Variants in SLC24A2 observed in about 807,000 individuals in gnomAD.
SLC24A2 encodes the protein sodium/potassium/calcium exchanger 2.
In SLC24A2, 36 loss-of-function variants were observed where a neutral mutation model predicts 62.0. The ratio of observed to expected loss-of-function variants is 0.58; its 90% confidence interval spans 0.44 to 0.77. The LOEUF (loss-of-function observed/expected upper bound fraction) is 0.77, where lower values mean the gene tolerates loss of function less well. SLC24A2 is among the 30% of genes least tolerant of loss of function. The probability of loss-of-function intolerance (pLI) is 0.00; values close to 1 mark genes in which losing one functional copy is unlikely to be tolerated. For missense variants in SLC24A2, 846 were observed against 817.9 expected, an observed-to-expected ratio of 1.03 and a Z score of -0.42; for synonymous variants, 358 against 294.0, an observed-to-expected ratio of 1.22 and a Z score of -2.23.
chr9:19,543,623 G>T (rs542860629), intron 8 of SLC24A2, among the ~76,000 whole-genome samples: 1 of 151,940 alleles, frequency 6.6e-6, no homozygotes, highest in Admixed American at 6.6e-5. Context: ...GAGATTGTAC[G>T]TTGTGTTGTT....
At chr9:19,692,817 G>A (rs898735957) in intron 2 of SLC24A2, among the ~76,000 whole-genome samples, 6 of 152,088 alleles carry the variant, frequency 3.9e-5, no homozygotes, top group African/African-American at 1.2e-4. Context: ...GGAAGTGCTC[G>A]ATAAAAATTT....
chr9:19,750,290 T>C (rs971787513), intron 2 of SLC24A2, among the ~76,000 whole-genome samples: 1 of 151,946 alleles, frequency 6.6e-6, no homozygotes, highest in Non-Finnish European at 1.5e-5. Flanking sequence ...TATTTAAGCA[T>C]CCTCTGCTTG....
At chr9:20,008,245 C>A in the SLC24A2 span, among the ~76,000 whole-genome samples, 1 of 151,934 alleles carries the variant, frequency 6.6e-6, no homozygotes, top group African/African-American at 2.4e-5. Context: ...CTCCCCACCC[C>A]TATCCACTTG....
At chr9:19,805,012 C>T in the SLC24A2 span, among the ~76,000 whole-genome samples, 2 of 152,018 alleles carry the variant, frequency 1.3e-5, no homozygotes, top group Non-Finnish European at 1.5e-5. Context: ...TTTAACTTTA[C>T]AAGAAAGAAA....
At chr9:19,999,723 T>G in the SLC24A2 span, among the ~76,000 whole-genome samples, 1 of 152,160 alleles carries the variant, frequency 6.6e-6, no homozygotes, top group Non-Finnish European at 1.5e-5. Context: ...AGTGAGCAGT[T>G]ATGGAATTAC....
intron 4 of SLC24A2, among the ~76,000 whole-genome samples, chr9:19,616,647 T>C (rs1195136995): frequency 4.6e-5 from 7 of 152,236 alleles, no homozygotes; most frequent in Admixed American, 4.6e-4. Context: ...CGCTAGTATG[T>C]ACCAGGTATT....
chr9:19,936,208 G>A, the SLC24A2 span, among the ~76,000 whole-genome samples: 1 of 151,758 alleles, frequency 6.6e-6, no homozygotes, highest in Non-Finnish European at 1.5e-5. Flanking sequence ...ATTTACTTTC[G>A]TATTCATCAT....
the SLC24A2 span, among the ~76,000 whole-genome samples, chr9:19,801,594 G>C: frequency 1.2e-4 from 19 of 152,242 alleles, no homozygotes; most frequent in Non-Finnish European, 2.5e-4. Flanking sequence ...TTTATATCCT[G>C]ATCATTGTCT....
At chr9:19,707,012 G>T (rs1820549058) in intron 2 of SLC24A2, among the ~76,000 whole-genome samples, 1 of 151,856 alleles carries the variant, frequency 6.6e-6, no homozygotes, top group African/African-American at 2.4e-5. Context: ...CCGCTAGCAA[G>T]ACTAATAAAG....
At chr9:19,655,995 C>G (rs1459576033) in intron 2 of SLC24A2, among the ~76,000 whole-genome samples, 1 of 152,174 alleles carries the variant, frequency 6.6e-6, no homozygotes, top group Non-Finnish European at 1.5e-5. Context: ...CTAACTGCCC[C>G]TGCAGAGCCT....
chr9:19,733,452 C>G (rs1318272733), intron 2 of SLC24A2, among the ~76,000 whole-genome samples: 2 of 152,158 alleles, frequency 1.3e-5, no homozygotes, highest in Admixed American at 6.6e-5. Context: ...GAAAACAGGT[C>G]TGATTTCCAA....
chr9:19,752,532 G>C (rs1001990202), intron 2 of SLC24A2, among the ~76,000 whole-genome samples: 1 of 152,078 alleles, frequency 6.6e-6, no homozygotes, highest in African/African-American at 2.4e-5. Flanking sequence ...TGGGGAGCTG[G>C]ACCCTGGCCC....
rs1024563386 is a variant in SLC24A2 at position 19,669,847 on chromosome 9, C to G, written c.931-47548G>C. Reference sequence around the variant, plus strand: ...CTTAATTTTATCTGCAATCTTAATTCCCTTTGCTATGTAACATAAAATATT... The same window carrying G: ...CTTAATTTTATCTGCAATCTTAATTGCCTTTGCTATGTAACATAAAATATT... On this transcript the variant is annotated intron_variant, in intron 2 of 10. Transcript: ENST00000341998. Among the ~76,000 whole-genome samples the G allele has an allele frequency of 1.8e-4, 28 of 152,304 alleles. 1 individual carries two copies. Among genetic ancestry groups the G allele is most frequent in the African/African-American group, 6.3e-4 (26 of 41,570 alleles).
chr9:20,264,198 G>A, the SLC24A2 span, among the ~76,000 whole-genome samples: 2 of 152,172 alleles, frequency 1.3e-5, no homozygotes, highest in South Asian at 2.1e-4. Flanking sequence ...TGAAATGTCA[G>A]TTCTGACACA....
the SLC24A2 span, among the ~76,000 whole-genome samples, chr9:20,108,057 A>T: frequency 1.7e-3 from 254 of 152,308 alleles, no homozygotes; most frequent in Non-Finnish European, 3.1e-3. Context: ...CAGACACTTC[A>T]CAAAAGAAGA....
At chr9:19,909,643 C>G in the SLC24A2 span, among the ~76,000 whole-genome samples, 1 of 152,108 alleles carries the variant, frequency 6.6e-6, no homozygotes, top group Non-Finnish European at 1.5e-5. Flanking sequence ...AAACTCATCT[C>G]TATGTTGACT....
At chr9:19,981,040 C>G in the SLC24A2 span, among the ~76,000 whole-genome samples, 5 of 152,114 alleles carry the variant, frequency 3.3e-5, no homozygotes, top group Non-Finnish European at 5.9e-5. Flanking sequence ...AATGAATGCA[C>G]CTTGGAGCAA....
chr9:19,836,888 G>T, the SLC24A2 span, among the ~76,000 whole-genome samples: 11 of 152,288 alleles, frequency 7.2e-5, 1 homozygote, highest in Middle Eastern at 6.8e-3. Flanking sequence ...CCATGATCAA[G>T]TGGGCTTCAT....
chr9:19,573,616 C>T (rs1487967861), intron 6 of SLC24A2, 147 bp from the exon 7 acceptor site: 1 of 748,370 alleles, frequency 1.3e-6, no homozygotes, highest in East Asian at 2.8e-5. Context: ...AAATGTTGGG[C>T]TAAAGCAGAG....
Sources: gnomAD v4.1 joint callset for allele counts (sites outside exome capture counted in the v4.1 genomes callset) on GRCh38, gnomAD v4.1.1 for gene constraint, MANE v1.5 for transcripts, NCBI Gene and HGNC (gene_info 2026-07-23, HGNC 2026-07-21) for gene names.